Variants in CPAMD8 observed in about 807,000 individuals in gnomAD.
CPAMD8 encodes the protein C3 and PZP like alpha-2-macroglobulin domain containing 8.
A neutral mutation model predicts 224.7 loss-of-function variants in CPAMD8; 146 were observed. The ratio of observed to expected loss-of-function variants is 0.65; its 90% CI spans 0.57 to 0.75. The LOEUF (loss-of-function observed/expected upper bound fraction) is 0.75, where lower values mean the gene tolerates loss of function less well. CPAMD8 is among the 30% of genes least tolerant of loss of function. CPAMD8 has a pLI of 0.00. For missense variants in CPAMD8, 2,301 were observed against 2,537.5 expected, an observed-to-expected ratio of 0.91 and a Z score of 2.00; for synonymous variants, 966 against 1,044.6, an observed-to-expected ratio of 0.92 and a Z score of 1.45.
chr19:17,021,736 C>T (rs1015366427), intron 2 of CPAMD8, among the ~76,000 whole-genome samples: 4 of 152,236 alleles, frequency 2.6e-5, no homozygotes, highest in African/African-American at 9.6e-5. Context: ...CCCTGTCCCA[C>T]CTCTGGTCAA....
intron 20 of CPAMD8, among the ~76,000 whole-genome samples, chr19:16,950,385 A>G (rs547061513): frequency 6.6e-6 from 1 of 152,148 alleles, no homozygotes; most frequent in South Asian, 2.1e-4. Context: ...ACCAAAACTG[A>G]GTGAGTGGGA....
intron 29 of CPAMD8, among the ~76,000 whole-genome samples, chr19:16,911,467 T>C (rs1261629251): frequency 1.3e-5 from 2 of 152,070 alleles, no homozygotes; most frequent in East Asian, 3.8e-4. Context: ...GTTCAAGCGA[T>C]TCTCCTGCCT....
chr19:17,004,202 G>A lies in CPAMD8; in HGVS notation c.673+71C>T, dbSNP rs557171483. 25 of 1,072,594 alleles carry A rather than the reference G, an allele frequency of 2.3e-5. 2 individuals are homozygous for A. The highest frequency in any genetic ancestry group is 1.5e-4 in the South Asian group (11 of 74,344). 66.4% of individuals were successfully genotyped at this position (1,072,594 alleles called of 1,614,324 possible). On this transcript the variant is annotated intron_variant, in intron 8 of 41. Transcript: ENST00000443236. ...ATTACAGGCGAGAGCCCTTGCACCC[G>A]GCCTTCTTCACCAGTTTCTAAGGTT...
rs561279686 is a variant in CPAMD8 at position 16,921,914 on chromosome 19, C to G, written c.3620G>C (p.Gly1207Ala). ...YSAFGERDAS[G>A]SMWLTAFVLK... The stretch of plus-strand genomic sequence containing the variant: ...GGCGGTGGGGACTCACCACATGCTC[C>G]CCGATGCGTCCCGCTCCCCAAACGC... The change falls in exon 27 of 42, where the codon GGG becomes GCG. Residue 1207 changes from glycine to alanine, a missense_variant. By Grantham distance (60) the Gly-to-Ala change is moderately conservative. Transcript: ENST00000443236. 3 of 1,544,018 alleles carry G rather than the reference C, an allele frequency of 1.9e-6. No individual in the cohort carries two copies. Among genetic ancestry groups the G allele is most frequent in the East Asian group, 4.9e-5 (2 of 40,906 alleles).
chr19:16,999,861 A>C (rs2056255789), intron 10 of CPAMD8, among the ~76,000 whole-genome samples: 1 of 152,004 alleles, frequency 6.6e-6, no homozygotes, highest in South Asian at 2.1e-4. Context: ...ATGGAGTCTC[A>C]CTTTGTCGCC....
At chr19:16,962,398 C>T (rs1177652795) in intron 18 of CPAMD8, among the ~76,000 whole-genome samples, 2 of 152,038 alleles carry the variant, frequency 1.3e-5, no homozygotes, top group African/African-American at 2.4e-5. Flanking sequence ...GACGCAGGCA[C>T]AAGTTTCAAT....
At chr19:16,913,652 A>G (rs118173413) in intron 29 of CPAMD8, among the ~76,000 whole-genome samples, 3,198 of 152,286 alleles carry the variant, frequency 0.021, 53 homozygotes, top group Non-Finnish European at 0.03. Context: ...GGAATTCAGC[A>G]TAAGAATTTG....
chr19:16,968,343 G>A lies in CPAMD8; in HGVS notation c.2213+2548C>T, dbSNP rs117703825. Among the ~76,000 whole-genome samples the A allele has an allele frequency of 9.7e-3, 1,483 of 152,258 alleles. 13 individuals carry two copies. Among genetic ancestry groups the A allele is most frequent in the Non-Finnish European group, 0.017 (1,172 of 68,020 alleles). ...AGCAGGAAGAGCCTGGGGGACTGAA[G>A]CATCCAGGAGCCACTGGGGAGCAGA... On this transcript the variant is annotated intron_variant, in intron 18 of 41. Transcript: ENST00000443236.
chr19:16,903,865 TGGA>T lies in CPAMD8; in HGVS notation c.4252-11_4252-9del. The T allele has an allele frequency of 6.2e-7, 1 of 1,612,486 alleles. No individual in the cohort carries two copies. Among genetic ancestry groups the T allele is most frequent in the Non-Finnish European group, 8.5e-7 (1 of 1,179,712 alleles). On this transcript the variant is annotated splice_polypyrimidine_tract_variant and intron_variant, in intron 32 of 41. Transcript: ENST00000443236. ...CAGAGCCACGCAGGTGTCCTGGGGATGGAGGAGGAGACGGCCATCAACCCTGAG... is the reference window on the plus strand; with the variant it reads ...CAGAGCCACGCAGGTGTCCTGGGGATGGAGGAGACGGCCATCAACCCTGAG...
chr19:17,015,431 T>C (rs1305261855), intron 3 of CPAMD8, among the ~76,000 whole-genome samples: 2 of 151,992 alleles, frequency 1.3e-5, no homozygotes, highest in East Asian at 1.9e-4. Context: ...GTCATGACCA[T>C]TGTGTGGGTG....
chr19:16,894,570 A>T, intron 41 of CPAMD8: 1 of 436,138 alleles, frequency 2.3e-6, no homozygotes, highest in Non-Finnish European at 4.6e-6. Flanking sequence ...CAGAACCCCA[A>T]CTGGATGGGG....
chr19:16,896,886 G>T (rs746856353), intron 39 of CPAMD8: 174 of 398,908 alleles, frequency 4.4e-4, no homozygotes, highest in Non-Finnish European at 6.7e-4. Flanking sequence ...CTTTTAAAAA[G>T]CGGTTGTAGG....
At chr19:16,938,931 C>T (rs891153862) in intron 22 of CPAMD8, among the ~76,000 whole-genome samples, 18 of 152,206 alleles carry the variant, frequency 1.2e-4, no homozygotes. Flanking sequence ...CATCTGGGTT[C>T]TCATTTCTGC....
At chr19:16,995,947 C>T (rs1037304288) in intron 11 of CPAMD8, among the ~76,000 whole-genome samples, 24 of 151,990 alleles carry the variant, frequency 1.6e-4, no homozygotes, top group African/African-American at 5.3e-4. Flanking sequence ...GTCAGGTGTT[C>T]AAGACCAGCC....
At chr19:17,004,603 C>T (rs894780814) in intron 7 of CPAMD8, among the ~76,000 whole-genome samples, 1 of 152,090 alleles carries the variant, frequency 6.6e-6, no homozygotes, top group African/African-American at 2.4e-5. Flanking sequence ...CGAAGGGATG[C>T]AGGAAGGGAC....
chr19:16,902,925 G>A (rs1255911681), intron 34 of CPAMD8, 62 bp from the exon 35 acceptor site: 2 of 1,078,792 alleles, frequency 1.9e-6, no homozygotes, highest in Non-Finnish European at 2.7e-6. Context: ...GTGCAGGGTA[G>A]GGGAGGAGAA....
At chr19:16,906,272 TTCC>T (rs1315307298) in intron 30 of CPAMD8, among the ~76,000 whole-genome samples, 2 of 151,998 alleles carry the variant, frequency 1.3e-5, no homozygotes, top group Non-Finnish European at 2.9e-5. Context: ...CCTTCCTTCC[TTCC>T]TTTCTTCCTC....
intron 14 of CPAMD8, among the ~76,000 whole-genome samples, chr19:16,978,589 G>C (rs1001160826): frequency 6.6e-6 from 1 of 152,122 alleles, no homozygotes; most frequent in Non-Finnish European, 1.5e-5. Flanking sequence ...GATGTTTTTT[G>C]GTCATCACTG....
At chr19:17,004,430 A>T (rs753868684) in intron 7 of CPAMD8, 44 bp from the exon 8 acceptor site, 6 of 1,303,506 alleles carry the variant, frequency 4.6e-6, no homozygotes, top group South Asian at 1.2e-5. Context: ...AGAGCCACAG[A>T]CACGGTGAGG....
Sources: allele counts gnomAD v4.1 joint callset (sites outside exome capture counted in the v4.1 genomes callset), GRCh38; gene constraint gnomAD v4.1.1; transcripts MANE v1.5; gene names NCBI Gene and HGNC (gene_info 2026-07-23, HGNC 2026-07-21).